The following TBCK variants were observed in gnomAD, a reference collection of about 807,000 sequenced individuals.
TBCK encodes the protein TBC1 domain containing kinase, also known as TBC domain-containing protein kinase-like protein.
TBCK carries 99 observed loss-of-function variants against 113.4 expected under a neutral mutation model. The ratio of observed to expected loss-of-function variants is 0.87; its 90% CI spans 0.74 to 1.03. TBCK has a LOEUF of 1.03. Among genes scored for constraint, TBCK ranks in the 50% least tolerant of loss-of-function variants. The probability of loss-of-function intolerance (pLI) is 0.00; values close to 1 mark genes in which losing one functional copy is unlikely to be tolerated. For synonymous variants in TBCK, 369 were observed against 370.8 expected (o/e 1.00, Z 0.05); for missense variants, 1,045 against 1,061.3 (o/e 0.98, Z 0.21).
At chr4:106,222,263 T>G (rs983779082) in intron 19 of TBCK, among the ~76,000 whole-genome samples, 19 of 152,202 alleles carry the variant, frequency 1.2e-4, no homozygotes, top group African/African-American at 4.3e-4. Context: ...TCATCTTCCC[T>G]TCTAATTGCT....
intron 10 of TBCK, among the ~76,000 whole-genome samples, chr4:106,245,187 G>T (rs1412749421): frequency 6.6e-6 from 1 of 152,196 alleles, no homozygotes; most frequent in Non-Finnish European, 1.5e-5. Flanking sequence ...GAGGGAACCA[G>T]TCAAAAGGGA....
At chr4:106,280,297 A>G (rs192749403) in intron 3 of TBCK, among the ~76,000 whole-genome samples, 34 of 152,116 alleles carry the variant, frequency 2.2e-4, no homozygotes, top group African/African-American at 8.2e-4. Context: ...TTTTCCTATA[A>G]AGTTATTTGA....
rs10565641 is a variant in TBCK, at chr4:106,203,283, C to CATAT, written c.1861-8533_1861-8530dup. Among the ~76,000 whole-genome samples the CATAT allele has an allele frequency of 2.7e-3, 398 of 146,336 alleles. 2 individuals are homozygous for CATAT. In the Middle Eastern group the frequency reaches 0.033, roughly 12 times the overall value. On this transcript the variant is annotated intron_variant, in intron 20 of 25. Coordinates refer to ENST00000394708, the MANE Select transcript of TBCK (RefSeq NM_001163435.3). The stretch of plus-strand genomic sequence containing the variant: ...GGACATATACACATATATATTTTCA[C>CATAT]ATATATATATATATATATATACTTT...
intron 3 of TBCK, among the ~76,000 whole-genome samples, chr4:106,274,606 T>C (rs1210187053): frequency 2.0e-5 from 3 of 152,164 alleles, no homozygotes; most frequent in Non-Finnish European, 4.4e-5. Flanking sequence ...TCCATTTATA[T>C]GAAAAGGTCA....
chr4:106,160,384 T>C (rs1273206562), intron 23 of TBCK, among the ~76,000 whole-genome samples: 2 of 151,756 alleles, frequency 1.3e-5, no homozygotes, highest in South Asian at 2.1e-4. Flanking sequence ...ATGAGAATAA[T>C]ATTGAGAATA....
At chr4:106,131,015 T>C (rs1445998871) in intron 23 of TBCK, among the ~76,000 whole-genome samples, 1 of 152,158 alleles carries the variant, frequency 6.6e-6, no homozygotes, top group Non-Finnish European at 1.5e-5. Context: ...AAATCTCACC[T>C]TGAACTGTAG....
intron 23 of TBCK, among the ~76,000 whole-genome samples, chr4:106,145,225 G>A (rs62321371): frequency 0.014 from 2,200 of 152,088 alleles, 30 homozygotes; most frequent in Middle Eastern, 0.037. Flanking sequence ...GGCTGAGGCA[G>A]GAGAATTGCT....
intron 23 of TBCK, among the ~76,000 whole-genome samples, chr4:106,127,140 G>A (rs890221348): frequency 8.7e-5 from 13 of 149,426 alleles, no homozygotes; most frequent in East Asian, 2.0e-4. Flanking sequence ...CCCAGGAGGC[G>A]GATATTGCAG....
intron 23 of TBCK, among the ~76,000 whole-genome samples, chr4:106,137,163 A>G (rs1162268665): frequency 7.1e-6 from 1 of 140,536 alleles, no homozygotes; most frequent in Non-Finnish European, 1.6e-5. Context: ...AGAATATCAT[A>G]TTCTTGGAAT....
intron 23 of TBCK, among the ~76,000 whole-genome samples, chr4:106,137,829 C>T (rs1746741629): frequency 7.1e-6 from 1 of 140,010 alleles, no homozygotes; most frequent in African/African-American, 2.5e-5. Context: ...AAAACGTTCA[C>T]AGATGTACTC....
chr4:106,082,839 C>T (rs925724572), intron 25 of TBCK, among the ~76,000 whole-genome samples: 6 of 145,252 alleles, frequency 4.1e-5, no homozygotes, highest in Non-Finnish European at 4.6e-5. Context: ...TGTGGTGTGG[C>T]GGTCCACCTG....
intron 12 of TBCK, among the ~76,000 whole-genome samples, chr4:106,237,834 T>C (rs1759642401): frequency 6.6e-6 from 1 of 152,136 alleles, no homozygotes; most frequent in African/African-American, 2.4e-5. Flanking sequence ...TTAATACACA[T>C]AAATCTTTTT....
At chr4:106,285,676 C>T (rs749398684) in intron 3 of TBCK, among the ~76,000 whole-genome samples, 7 of 152,166 alleles carry the variant, frequency 4.6e-5, no homozygotes, top group East Asian at 1.9e-4. Flanking sequence ...CTGCAAATTA[C>T]GACCAGACAA....
intron 18 of TBCK, among the ~76,000 whole-genome samples, chr4:106,231,079 A>G (rs1254260551): frequency 6.6e-6 from 1 of 151,776 alleles, no homozygotes; most frequent in African/African-American, 2.4e-5. Flanking sequence ...AGAATCTGAA[A>G]ATAGGGAGAT....
chr4:106,046,657 C>T lies in TBCK; in HGVS notation c.2595G>A (p.Met865Ile). 1 of 1,610,770 alleles carries T rather than the reference C, an allele frequency of 6.2e-7. No homozygotes were observed. The highest frequency in any genetic ancestry group is 8.5e-7 in the Non-Finnish European group (1 of 1,177,760). Residue 865 changes from methionine to isoleucine, a missense_variant, in exon 26 of 26, where the codon ATG (methionine) becomes ATA (isoleucine). Transcript: ENST00000394708. ...TAEFAAHLVK[M>I]KYPRICILDG... ...CTAGAATACAGATTCTTGGATATTTCATCTTCACAAGGTGAGCTGCAAACT... is the reference window on the plus strand; with the variant it reads ...CTAGAATACAGATTCTTGGATATTTTATCTTCACAAGGTGAGCTGCAAACT...
At chr4:106,223,983 T>C (rs1483512890) in intron 19 of TBCK, among the ~76,000 whole-genome samples, 4 of 152,198 alleles carry the variant, frequency 2.6e-5, no homozygotes, top group Admixed American at 6.5e-5. Flanking sequence ...CTGAGTTGCA[T>C]AATCAGTATG....
At chr4:106,104,822 C>T (rs1432072442) in intron 24 of TBCK, among the ~76,000 whole-genome samples, 3 of 152,252 alleles carry the variant, frequency 2.0e-5, no homozygotes, top group African/African-American at 7.2e-5. Context: ...TGTTTCACAG[C>T]TTTCACTGGT....
In TBCK at chr4:106,233,079, AAAT is replaced by A; in HGVS notation, c.1513-18_1513-16del. 2 of 1,605,082 alleles carry A rather than the reference AAAT, an allele frequency of 1.2e-6. No individual in the cohort carries two copies. The highest frequency in any genetic ancestry group is 1.7e-4 in the Middle Eastern group (1 of 6,010). On this transcript the variant is annotated splice_polypyrimidine_tract_variant and intron_variant, in intron 16 of 25. Transcript: ENST00000394708. ...TCCACTTCAATCTGTTAAAATAGCA[AAAT>A]AATAAGGTGAAACAGTAATTGTGTA...
At chr4:106,233,228 T>A in intron 16 of TBCK, among the ~76,000 whole-genome samples, 164 bp from the exon 17 acceptor site, 1 of 152,028 alleles carries the variant, frequency 6.6e-6, no homozygotes. Flanking sequence ...ATTGATCTTA[T>A]GGAAAGACTA....
Sources: allele counts gnomAD v4.1 joint callset (sites outside exome capture counted in the v4.1 genomes callset), GRCh38; gene constraint gnomAD v4.1.1; transcripts MANE v1.5; gene names NCBI Gene and HGNC (gene_info 2026-07-23, HGNC 2026-07-21).